POGLUT3: variants seen among roughly 807,000 people sequenced by gnomAD.
POGLUT3 encodes the protein protein O-glucosyltransferase 3.
A neutral mutation model predicts 54.3 loss-of-function variants in POGLUT3; 48 were observed. The ratio of observed to expected loss-of-function variants is 0.88; its 90% CI spans 0.70 to 1.12. The LOEUF (loss-of-function observed/expected upper bound fraction) is 1.12, where lower values mean the gene tolerates loss of function less well. Among genes scored for constraint, POGLUT3 ranks in the 50% most tolerant of loss-of-function variants. The pLI, the probability that POGLUT3 is intolerant of heterozygous loss-of-function variation, is 0.00. For missense variants in POGLUT3, 629 were observed against 618.7 expected (o/e 1.02, Z -0.18); for synonymous variants, 218 against 237.4 (o/e 0.92, Z 0.75).
rs1293385574 is a variant in POGLUT3, at chr11:108,479,602, TC to T, written c.1099-108del. ...ACTACAGAGGAATTATTTTCCATTTTCCAACTTTTTTGTGTTTAAAAGTTTT... is the reference window on the plus strand; with the variant it reads ...ACTACAGAGGAATTATTTTCCATTTTCAACTTTTTTGTGTTTAAAAGTTTT... On this transcript the variant is annotated intron_variant, in intron 5 of 7. Coordinates refer to ENST00000323468, the MANE Select transcript of POGLUT3 (RefSeq NM_153705.5). 5.4e-6 allele frequency: 4 copies of T among 739,754 alleles called. No homozygotes were observed. The East Asian group carries it at 9.6e-5, about 18-fold the overall frequency. 45.8% of individuals were successfully genotyped at this position (739,754 alleles called of 1,614,324 possible). A position where few individuals can be genotyped will look rare whatever the true frequency, so the allele number is the denominator to read the frequency against.
chr11:108,498,363 G>C lies in POGLUT3; in HGVS notation c.4C>G (p.Arg2Gly), dbSNP rs1031074358. The C allele has an allele frequency of 2.3e-6, 3 of 1,311,498 alleles. No homozygotes were observed. The highest frequency in any genetic ancestry group is 3.1e-5 in the African/African-American group (2 of 64,198). 81.2% of individuals were successfully genotyped at this position (1,311,498 alleles called of 1,614,324 possible). Residue 2 changes from arginine (R) to glycine (G), a missense_variant, in exon 1 of 8, where the codon CGC becomes GGC. Arg to Gly is a moderately radical substitution (Grantham distance 125, BLOSUM62 -2). Transcript: ENST00000323468. M[R>G]RLPRALLLQL... ...AGCAGCAGGGCCCGCGGGAGGCGGC[G>C]CATGGTCGGCGGGGCACAACTGCGG...
At position 108,498,263 on chromosome 11, in the gene POGLUT3, C is replaced by G. The variant is rs768050765; in HGVS notation, c.104G>C (p.Trp35Ser). The G allele has an allele frequency of 6.8e-4, 1,014 of 1,498,628 alleles. 1 individual carries two copies. Among genetic ancestry groups the G allele is most frequent in the Non-Finnish European group, 8.7e-4 (974 of 1,124,412 alleles). 92.8% of individuals were successfully genotyped at this position (1,498,628 alleles called of 1,614,324 possible). The part of the protein sequence containing the change: ...VLVSAPRSLV[W>S]GPGLQAAVVL... ...GACGGCCGCCTGCAGCCCGGGCCCC[C>G]ACACCAGGCTCCGCGGCGCGCTGAC... Residue 35 changes from tryptophan to serine, a missense_variant, in exon 1 of 8, where the codon TGG becomes TCG. Transcript: ENST00000323468.
chr11:108,480,516 A>C (rs1452125673), intron 5 of POGLUT3, among the ~76,000 whole-genome samples: 1 of 152,206 alleles, frequency 6.6e-6, no homozygotes, highest in African/African-American at 2.4e-5. Context: ...TCTGAGTCCA[A>C]ATCCCCTGTT....
chr11:108,479,564 C>T, intron 5 of POGLUT3, 69 bp from the exon 6 acceptor site: 1 of 1,095,212 alleles, frequency 9.1e-7, no homozygotes, highest in East Asian at 2.6e-5. Context: ...TCCTCATCAA[C>T]ACTGTAATAC....
rs1395731160 is a variant in POGLUT3, at chr11:108,474,463, A to C, written c.*364T>G. On this transcript the variant is annotated 3_prime_UTR_variant, in exon 8 of 8. Transcript: ENST00000323468. The stretch of plus-strand genomic sequence containing the variant: ...TGCTTTCTGACAGTTCAATGTATAC[A>C]AACTTTGTTTCATGCACAAATTATT... 6.5e-6 allele frequency: 1 copy of C among 153,706 alleles called. No homozygotes were observed. The highest frequency in any genetic ancestry group is 1.4e-5 in the Non-Finnish European group (1 of 69,090). 9.5% of individuals were successfully genotyped at this position (153,706 alleles called of 1,614,324 possible).
At chr11:108,498,109 C>T in intron 1 of POGLUT3, 56 bp downstream of exon 1, 1 of 1,419,548 alleles carries the variant, frequency 7.0e-7, no homozygotes, top group Non-Finnish European at 9.3e-7. Context: ...TCCCGGGCGG[C>T]GGGGACGCGC....
rs181443227 is a variant in POGLUT3 at position 108,481,062 on chromosome 11, T to G, written c.1098+118A>C. 27 of 714,244 alleles carry G rather than the reference T, an allele frequency of 3.8e-5. No individual in the cohort carries two copies. The African/African-American group carries it at 4.7e-4, about 12-fold the overall frequency. The allele number at this position is 714,244 out of a possible 1,614,324, so 44.2% of individuals were successfully genotyped here. Reference sequence around the variant, plus strand: ...TAATTCCTGATATCTAATAAGAAAGTGTGAACATGTGTGTCAGTTCACAAG... The same window carrying G: ...TAATTCCTGATATCTAATAAGAAAGGGTGAACATGTGTGTCAGTTCACAAG... On this transcript the variant is annotated intron_variant, in intron 5 of 7. Transcript: ENST00000323468.
At chr11:108,492,354 G>A (rs947921106) in intron 1 of POGLUT3, among the ~76,000 whole-genome samples, 1 of 152,174 alleles carries the variant, frequency 6.6e-6, no homozygotes, top group African/African-American at 2.4e-5. Context: ...CCTTCAGAGA[G>A]TGCAGAGGAT....
chr11:108,484,784 A>C lies in POGLUT3; in HGVS notation c.684+1373T>G, dbSNP rs191823088. 7.8e-3 allele frequency among the ~76,000 whole-genome samples: 1,190 copies of C among 152,144 alleles called. 12 individuals are homozygous for C. Among genetic ancestry groups the C allele is most frequent in the African/African-American group, 0.025 (1,032 of 41,458 alleles). On this transcript the variant is annotated intron_variant, in intron 3 of 7. Coordinates refer to ENST00000323468, the MANE Select transcript of POGLUT3 (RefSeq NM_153705.5). The stretch of plus-strand genomic sequence containing the variant: ...GCAAACAAACAAACAAACAAACAAA[A>C]AAACTCCCTTTATGGTCTCTCTAAG...
At chr11:108,488,305 G>A (rs569789997) in intron 2 of POGLUT3, among the ~76,000 whole-genome samples, 2 of 152,340 alleles carry the variant, frequency 1.3e-5, no homozygotes, top group South Asian at 2.1e-4. Context: ...GATTACAGGC[G>A]TGAGTCACCG....
chr11:108,485,639 T>TATTTATTC (rs2135855659), intron 3 of POGLUT3, among the ~76,000 whole-genome samples: 1 of 133,976 alleles, frequency 7.5e-6, no homozygotes, highest in Admixed American at 7.1e-5. Context: ...TATTCTATTT[T>TATTTATTC]ATTTATTTAT....
chr11:108,489,779 CA>C (rs1320245397), intron 2 of POGLUT3, among the ~76,000 whole-genome samples: 1 of 152,070 alleles, frequency 6.6e-6, no homozygotes, highest in African/African-American at 2.4e-5. Flanking sequence ...TTTGTAGAAA[CA>C]AAAAAATATT....
intron 2 of POGLUT3, among the ~76,000 whole-genome samples, chr11:108,488,475 A>C (rs1435333314): frequency 1.3e-5 from 2 of 152,192 alleles, no homozygotes; most frequent in East Asian, 3.9e-4. Flanking sequence ...GACTGTAGGC[A>C]AAGCCAGGCA....
At chr11:108,496,019 T>C (rs1009007433) in intron 1 of POGLUT3, among the ~76,000 whole-genome samples, 1 of 152,120 alleles carries the variant, frequency 6.6e-6, no homozygotes, top group Non-Finnish European at 1.5e-5. Context: ...TATATGTACA[T>C]ATAAAACATA....
At chr11:108,495,538 C>A (rs115575400) in intron 1 of POGLUT3, among the ~76,000 whole-genome samples, 2,067 of 152,196 alleles carry the variant, frequency 0.014, 48 homozygotes, top group African/African-American at 0.047. Context: ...ATGTAAGAAA[C>A]TAGTTGGGTG....
Position 108,479,449 on chromosome 11 carries a change from T to A in POGLUT3, c.1145A>T (p.Tyr382Phe). 6.2e-7 allele frequency: 1 copy of A among 1,611,672 alleles called. No individual in the cohort carries two copies. Residue 382 changes from tyrosine to phenylalanine, a missense_variant, in exon 6 of 8, where the codon TAT (tyrosine) becomes TTT (phenylalanine). Tyr to Phe is a conservative substitution (Grantham distance 22). Coordinates refer to ENST00000323468, the MANE Select transcript of POGLUT3 (RefSeq NM_153705.5). Reference sequence around the variant, plus strand: ...ACTGTCGCCCAGCATGAGATATGGATATCTGTAAGCAGCCACGGTCCCATC... The same window carrying A: ...ACTGTCGCCCAGCATGAGATATGGAAATCTGTAAGCAGCCACGGTCCCATC... ...NVDGTVAAYR[Y>F]PYLMLGDSLV... is the part of the protein sequence containing the mutation.
chr11:108,498,191 C>A lies in POGLUT3; in HGVS notation c.176G>T (p.Gly59Val). 6.6e-7 allele frequency: 1 copy of A among 1,519,912 alleles called. No individual in the cohort carries two copies. Among genetic ancestry groups the A allele is most frequent in the Non-Finnish European group, 8.8e-7 (1 of 1,135,700 alleles). 94.2% of individuals were successfully genotyped at this position (1,519,912 alleles called of 1,614,324 possible). ...TGCGGGAGAGCGAGTGAGGTTCTGGCCCTCCGAGTTGACCGCCTGCAGGTA... is the reference window on the plus strand; with the variant it reads ...TGCGGGAGAGCGAGTGAGGTTCTGGACCTCCGAGTTGACCGCCTGCAGGTA... ...YFYLQAVNSE[G>V]QNLTRSPAGE... The change falls in exon 1 of 8, where the codon GGC (glycine) becomes GTC (valine). Residue 59 changes from glycine to valine, a missense_variant. Transcript: ENST00000323468.
chr11:108,484,890 T>G (rs1234928184), intron 3 of POGLUT3, among the ~76,000 whole-genome samples: 1 of 152,106 alleles, frequency 6.6e-6, no homozygotes, highest in East Asian at 1.9e-4. Flanking sequence ...TAAGTTGCTC[T>G]GCTTAAGAGG....
At position 108,498,176 on chromosome 11, in the gene POGLUT3, C is replaced by T. The variant is rs2093625807; in HGVS notation, c.191G>A (p.Arg64His). 2.0e-6 allele frequency: 3 copies of T among 1,515,648 alleles called. No homozygotes were observed. The highest frequency in any genetic ancestry group is 1.5e-5 in the African/African-American group (1 of 68,918). The allele number at this position is 1,515,648 out of a possible 1,614,324, so 93.9% of individuals were successfully genotyped here. Residue 64 changes from arginine (R) to histidine (H), a missense_variant, in exon 1 of 8, where the codon CGC becomes CAC. Coordinates refer to ENST00000323468, the MANE Select transcript of POGLUT3 (RefSeq NM_153705.5). ...CGGCTGGACACTACCTGCGGGAGAG[C>T]GAGTGAGGTTCTGGCCCTCCGAGTT... Reference protein sequence around the residue: ...AVNSEGQNLTRSPAGETPFKV... With the variant: ...AVNSEGQNLTHSPAGETPFKV...
Sources: gnomAD v4.1 joint callset for allele counts (sites outside exome capture counted in the v4.1 genomes callset) on GRCh38, gnomAD v4.1.1 for gene constraint, MANE v1.5 for transcripts, NCBI Gene and HGNC (gene_info 2026-07-23, HGNC 2026-07-21) for gene names.